Variants in PLEKHG4B observed in about 807,000 individuals in gnomAD.
PLEKHG4B encodes pleckstrin homology domain-containing family G member 4B.
A neutral mutation model predicts 121.3 loss-of-function variants in PLEKHG4B; 111 were observed. That is an observed-to-expected ratio of 0.92 (90% CI 0.78 to 1.07). PLEKHG4B has a LOEUF of 1.07. Ranked by LOEUF, PLEKHG4B falls within the 50% of genes least tolerant of loss-of-function variation. The probability of loss-of-function intolerance (pLI) is 0.00; values close to 1 mark genes in which losing one functional copy is unlikely to be tolerated. For synonymous variants in PLEKHG4B, 738 were observed against 725.0 expected (o/e 1.02, Z -0.29); for missense variants, 1,831 against 1,757.8 (o/e 1.04, Z -0.74).
chr5:176,335 C>G (rs1484605244), intron 18 of PLEKHG4B, among the ~76,000 whole-genome samples: 2 of 152,204 alleles, frequency 1.3e-5, no homozygotes, highest in East Asian at 1.9e-4. Flanking sequence ...TCCCTGGGGT[C>G]GATCTGTCCA....
At position 104,763 on chromosome 5, in the gene PLEKHG4B, G is replaced by A. The variant is rs111914289; in HGVS notation, c.46-8488G>A. ...GAGCTGCATTTCAACCACCATTGCC[G>A]CTCAACTCAGATTAAAAGCTGAAAG... is the stretch of plus-strand genomic sequence containing the variant. On this transcript the variant is annotated intron_variant, in intron 1 of 19. Transcript: ENST00000637938. Among the ~76,000 whole-genome samples, 597 of 152,314 alleles carry A rather than the reference G, an allele frequency of 3.9e-3. 1 individual carries two copies. Among genetic ancestry groups the A allele is most frequent in the African/African-American group, 0.012 (494 of 41,570 alleles).
chr5:147,584 C>T (rs1053573287), intron 6 of PLEKHG4B, among the ~76,000 whole-genome samples: 7 of 152,196 alleles, frequency 4.6e-5, no homozygotes, highest in African/African-American at 9.6e-5. Flanking sequence ...GTTCACAGTG[C>T]GTTGCTCTAA....
At chr5:161,573 C>G (rs140366766) in intron 11 of PLEKHG4B, among the ~76,000 whole-genome samples, 1 of 152,098 alleles carries the variant, frequency 6.6e-6, no homozygotes, top group Non-Finnish European at 1.5e-5. Flanking sequence ...AATGTTCTTC[C>G]CCTGTGTAGA....
intron 13 of PLEKHG4B, among the ~76,000 whole-genome samples, chr5:168,122 A>G (rs1040819278): frequency 1.3e-5 from 2 of 152,176 alleles, no homozygotes; most frequent in Non-Finnish European, 2.9e-5. Flanking sequence ...AGAGGAGCCC[A>G]CATCTCCTGC....
At chr5:135,707 A>ATG (rs1734963080) in intron 2 of PLEKHG4B, among the ~76,000 whole-genome samples, 1 of 100,194 alleles carries the variant, frequency 1.0e-5, no homozygotes, top group Non-Finnish European at 1.9e-5. Flanking sequence ...ATATATATAT[A>ATG]TATATATATA....
intron 13 of PLEKHG4B, among the ~76,000 whole-genome samples, chr5:164,092 G>A (rs1736151139): frequency 6.6e-6 from 1 of 152,260 alleles, no homozygotes; most frequent in Admixed American, 6.5e-5. Flanking sequence ...TGTGGTACTG[G>A]TCGTGAGGGC....
chr5:136,781 T>C (rs1734996927), intron 2 of PLEKHG4B, among the ~76,000 whole-genome samples: 1 of 152,164 alleles, frequency 6.6e-6, no homozygotes, highest in Admixed American at 6.5e-5. Context: ...CGTAAAATGG[T>C]GCAGCTGCTG....
intron 2 of PLEKHG4B, among the ~76,000 whole-genome samples, chr5:135,736 A>C (rs1297551065): frequency 1.1e-5 from 1 of 91,970 alleles, no homozygotes; most frequent in African/African-American, 3.6e-5. Context: ...TATGTATGTC[A>C]GTACTACCCA....
rs908569998 is a variant in PLEKHG4B, at chr5:137,941, C to T, written c.244-1542C>T. ...CACAGCTCCTCAGGCCGCCTCGCAG[C>T]GTCTGGGGAGGGTGTCAAGGAGCCG... On this transcript the variant is annotated intron_variant, in intron 2 of 19. Coordinates refer to ENST00000637938, the MANE Select transcript of PLEKHG4B (RefSeq NM_052909.5). The surrounding 1 kb of genome is among the most constrained non-coding windows in gnomAD (Gnocchi z 4.2). Among the ~76,000 whole-genome samples the T allele has an allele frequency of 4.6e-5, 7 of 152,222 alleles. No individual in the cohort carries two copies. The highest frequency in any genetic ancestry group is 1.2e-4 in the African/African-American group (5 of 41,464).
intron 18 of PLEKHG4B, among the ~76,000 whole-genome samples, chr5:181,201 G>A (rs1736920721): frequency 6.6e-6 from 1 of 152,172 alleles, no homozygotes; most frequent in Admixed American, 6.5e-5. Context: ...GGGACCTGCT[G>A]TGTGGCCCTC....
At chr5:178,815 C>G (rs150592965) in intron 18 of PLEKHG4B, among the ~76,000 whole-genome samples, 2 of 152,340 alleles carry the variant, frequency 1.3e-5, no homozygotes, top group African/African-American at 4.8e-5. Flanking sequence ...ATACCCAAAT[C>G]TGCAGTTGTT....
At chr5:143,983 G>A (rs994433110) in intron 5 of PLEKHG4B, 17 of 167,460 alleles carry the variant, frequency 1.0e-4, no homozygotes, top group African/African-American at 1.7e-4. Flanking sequence ...TTGCTCTGTC[G>A]CCCAGGCTAG....
chr5:165,023 G>A lies in PLEKHG4B; in HGVS notation c.3476+1475G>A, dbSNP rs544629203. ...GGGGCAGGGCTCACAGTAATGCTCT[G>A]ACAGGGCGGAGCTCACACTAATGCT... On this transcript the variant is annotated intron_variant, in intron 13 of 19. Transcript: ENST00000637938. Among the ~76,000 whole-genome samples, 5 of 73,540 alleles carry A rather than the reference G, an allele frequency of 6.8e-5. No individual in the cohort carries two copies. In the East Asian group the frequency reaches 1.4e-3, roughly 21 times the overall value. The allele number at this position is 73,540 out of a possible 152,430, so 48.2% of individuals were successfully genotyped here. A position where few individuals can be genotyped will look rare whatever the true frequency, so the allele number is the denominator to read the frequency against.
At chr5:138,947 A>G (rs1380853325) in intron 2 of PLEKHG4B, among the ~76,000 whole-genome samples, 1 of 152,234 alleles carries the variant, frequency 6.6e-6, no homozygotes, top group Non-Finnish European at 1.5e-5. Flanking sequence ...TTTAAAGGGA[A>G]CAGAGAAAAT....
chr5:164,387 G>A (rs930279646), intron 13 of PLEKHG4B, among the ~76,000 whole-genome samples: 2 of 152,222 alleles, frequency 1.3e-5, no homozygotes, highest in Non-Finnish European at 2.9e-5. Context: ...ACAGGAGGCG[G>A]AGCTCACACA....
At chr5:135,975 C>T (rs769101745) in intron 2 of PLEKHG4B, among the ~76,000 whole-genome samples, 12 of 151,796 alleles carry the variant, frequency 7.9e-5, no homozygotes, top group Non-Finnish European at 1.5e-4. Context: ...AACAGACACA[C>T]AGACCAGTGG....
chr5:102,651 G>C (rs145481760), intron 1 of PLEKHG4B, among the ~76,000 whole-genome samples: 3,308 of 152,318 alleles, frequency 0.022, 67 homozygotes, highest in Non-Finnish European at 0.032. Context: ...GGCAGAGGCT[G>C]CCGTGCTTCC....
At chr5:134,916 A>G (rs2456892) in intron 2 of PLEKHG4B, among the ~76,000 whole-genome samples, 2 of 152,148 alleles carry the variant, frequency 1.3e-5, no homozygotes, top group Non-Finnish European at 2.9e-5. Flanking sequence ...GTGGCCGGGC[A>G]CGGTGGCTCA....
At chr5:179,824 C>G (rs998329952) in intron 18 of PLEKHG4B, 4 of 152,308 alleles carry the variant, frequency 2.6e-5, no homozygotes, top group Admixed American at 1.3e-4. Flanking sequence ...TTCCCTGCTT[C>G]TGTGTGTTTT....
Sources: allele counts gnomAD v4.1 joint callset (sites outside exome capture counted in the v4.1 genomes callset), GRCh38; gene constraint gnomAD v4.1.1; non-coding constraint Gnocchi (gnomAD v3.1); transcripts MANE v1.5; gene names NCBI Gene and HGNC (gene_info 2026-07-23, HGNC 2026-07-21).